PRPF19: variants seen among roughly 807,000 people sequenced by gnomAD.
PRPF19 encodes pre-mRNA-processing factor 19.
In PRPF19, 2 loss-of-function variants were observed where a neutral mutation model predicts 64.2. The observed-to-expected ratio is 0.03, with a 90% CI of 0.01 to 0.10. The LOEUF is 0.10. Among genes scored for constraint, PRPF19 ranks in the 10% least tolerant of loss-of-function variants. The pLI is 1.00. For synonymous variants in PRPF19, 226 were observed against 251.6 expected, an observed-to-expected ratio of 0.90 and a Z score of 0.96; for missense variants, 314 against 650.0, an observed-to-expected ratio of 0.48 and a Z score of 5.62.
chr11:60,898,241 G>A lies in PRPF19; in HGVS notation c.1171C>T (p.His391Tyr), dbSNP rs1417495946. The A allele has an allele frequency of 6.2e-7, 1 of 1,614,004 alleles. No individual in the cohort carries two copies. ...ERTNVANFPG[H>Y]SGPITSIAFS... ...GCGATGCTAGTGATGGGGCCCGAGT[G>A]GCCAGGGAAGTTGGCCACATTAGTA... Residue 391 changes from histidine to tyrosine, a missense_variant, in exon 14 of 16, where the codon CAC becomes TAC. By Grantham distance (83) the His-to-Tyr change is moderately conservative. Coordinates refer to ENST00000227524, the MANE Select transcript of PRPF19 (RefSeq NM_014502.5). This position sits in a 1 kb window ranked among gnomAD's most constrained non-coding sequence, Gnocchi z 4.6.
At chr11:60,904,600 C>CA (rs1171947236) in intron 1 of PRPF19, among the ~76,000 whole-genome samples, 1 of 152,130 alleles carries the variant, frequency 6.6e-6, no homozygotes. Flanking sequence ...GTGACTCAAA[C>CA]AATTGTGGGA....
chr11:60,898,792 G>T lies in PRPF19; in HGVS notation c.1054+70C>A, dbSNP rs945969761. On this transcript the variant is annotated intron_variant, in intron 12 of 15. Transcript: ENST00000227524. This position sits in a 1 kb window ranked among gnomAD's most constrained non-coding sequence, Gnocchi z 4.6. ...ATATCTTTAGAACAAATAAACAAAT[G>T]ACTAAATAAAATGTAAAAATAAATA... is the stretch of plus-strand genomic sequence containing the variant. 14 of 1,498,630 alleles carry T rather than the reference G, an allele frequency of 9.3e-6. No individual in the cohort carries two copies. In the African/African-American group the frequency reaches 1.7e-4, roughly 18 times the overall value. The allele number at this position is 1,498,630 out of a possible 1,614,324, so 92.8% of individuals were successfully genotyped here.
intron 15 of PRPF19, among the ~76,000 whole-genome samples, chr11:60,891,514 G>A (rs1590603047): frequency 6.6e-6 from 1 of 152,138 alleles, no homozygotes; most frequent in East Asian, 1.9e-4. Context: ...TGAGCTTTCT[G>A]GGCAACTGCA....
intron 15 of PRPF19, among the ~76,000 whole-genome samples, chr11:60,894,802 T>G (rs948094990): frequency 6.6e-6 from 1 of 152,224 alleles, no homozygotes; most frequent in Non-Finnish European, 1.5e-5. Flanking sequence ...TCAAAATTAC[T>G]CCTTGATCCA....
rs950122601 is a variant in PRPF19, at chr11:60,902,634, C to T, written c.411G>A (p.Gln137=). The T allele has an allele frequency of 1.9e-6, 3 of 1,614,200 alleles. No individual in the cohort carries two copies. The highest frequency in any genetic ancestry group is 2.2e-5 in the South Asian group (2 of 91,086). ...AREALATLKP[Q]AGLIVPQAVP... ...CAGCCTGGGGCACAATGAGGCCAGCCTGTGGTTTCAGGGTAGCCAGAGCTG... is the reference window on the plus strand; with the variant it reads ...CAGCCTGGGGCACAATGAGGCCAGCTTGTGGTTTCAGGGTAGCCAGAGCTG... Residue 137 remains glutamine, a synonymous_variant, in exon 5 of 16, where the codon CAG becomes CAA. Coordinates refer to ENST00000227524, the MANE Select transcript of PRPF19 (RefSeq NM_014502.5). The surrounding 1 kb of genome is among the most constrained non-coding windows in gnomAD (Gnocchi z 5.0).
chr11:60,905,732 G>A (rs1329463157), intron 1 of PRPF19, among the ~76,000 whole-genome samples: 1 of 152,178 alleles, frequency 6.6e-6, no homozygotes, highest in African/African-American at 2.4e-5. Flanking sequence ...TCTCCTTTAG[G>A]GAATTCTTGT....
rs148723802 is a variant in PRPF19, at chr11:60,903,742, G to C, written c.139C>G (p.Leu47Val). ...NGTDPINNQP[L>V]SEEQLIDIKV... ...ATGTCGATGAGCTGCTCCTCGGAGA[G>C]AGGCTGGTTGTTGATGGGGTCGGTA... Residue 47 changes from leucine to valine, a missense_variant, in exon 2 of 16, where the codon CTC becomes GTC. Coordinates refer to ENST00000227524, the MANE Select transcript of PRPF19 (RefSeq NM_014502.5). 8 of 1,599,446 alleles carry C rather than the reference G, an allele frequency of 5.0e-6. No individual in the cohort carries two copies. The highest frequency in any genetic ancestry group is 6.8e-6 in the Non-Finnish European group (8 of 1,175,506).
At chr11:60,895,194 T>C (rs551525067) in intron 15 of PRPF19, among the ~76,000 whole-genome samples, 18 of 152,360 alleles carry the variant, frequency 1.2e-4, no homozygotes, top group African/African-American at 4.3e-4. Context: ...GATGTCACTT[T>C]CTTCCAATAG....
At chr11:60,896,853 C>T (rs1271692288) in intron 15 of PRPF19, among the ~76,000 whole-genome samples, 2 of 152,010 alleles carry the variant, frequency 1.3e-5, no homozygotes, top group African/African-American at 4.8e-5. Context: ...TAGAAAAAAG[C>T]TTATAGAACA....
At position 60,904,739 on chromosome 11, in the gene PRPF19, C is replaced by T. The variant is rs900498123; in HGVS notation, c.20-878G>A. On this transcript the variant is annotated intron_variant, in intron 1 of 15. Coordinates refer to ENST00000227524, the MANE Select transcript of PRPF19 (RefSeq NM_014502.5). ...CCCTGGGCACCCCACCCTCCAGGAACCCCCACATGTTCTGCTATACAGAAG... is the reference window on the plus strand; with the variant it reads ...CCCTGGGCACCCCACCCTCCAGGAATCCCCACATGTTCTGCTATACAGAAG... 5.9e-5 allele frequency among the ~76,000 whole-genome samples: 9 copies of T among 152,204 alleles called. No individual in the cohort carries two copies. In the South Asian group the frequency reaches 1.7e-3, roughly 28 times the overall value.
chr11:60,901,931 T>C (rs1311984166), intron 6 of PRPF19, among the ~76,000 whole-genome samples: 1 of 152,134 alleles, frequency 6.6e-6, no homozygotes, highest in African/African-American at 2.4e-5. Flanking sequence ...CAAATGAGAA[T>C]CCCACTGGAC....
At chr11:60,904,059 C>T (rs1856015673) in intron 1 of PRPF19, among the ~76,000 whole-genome samples, 198 bp from the exon 2 acceptor site, 1 of 152,142 alleles carries the variant, frequency 6.6e-6, no homozygotes, top group South Asian at 2.1e-4. Flanking sequence ...CTTTAGTCTC[C>T]TGACTGAGGA....
At chr11:60,893,138 C>T (rs759754821) in intron 15 of PRPF19, among the ~76,000 whole-genome samples, 7 of 152,188 alleles carry the variant, frequency 4.6e-5, no homozygotes, top group Non-Finnish European at 8.8e-5. Context: ...CAATGCAATG[C>T]ATTATTCACG....
In PRPF19 at chr11:60,891,277, T is replaced by C. The variant is rs1855856220; in HGVS notation, c.1418-14A>G. Reference sequence around the variant, plus strand: ...GGCCGCTATGCTCTGAGGAGAAAGATAAGAGGCAACTGTGAGAAGGCTTTT... The same window carrying C: ...GGCCGCTATGCTCTGAGGAGAAAGACAAGAGGCAACTGTGAGAAGGCTTTT... On this transcript the variant is annotated splice_polypyrimidine_tract_variant and intron_variant, in intron 15 of 15. Coordinates refer to ENST00000227524, the MANE Select transcript of PRPF19 (RefSeq NM_014502.5). 2 of 1,601,572 alleles carry C rather than the reference T, an allele frequency of 1.2e-6. No individual in the cohort carries two copies. The highest frequency in any genetic ancestry group is 1.3e-5 in the African/African-American group (1 of 74,622).
At chr11:60,899,581 C>T (rs1855959503) in intron 10 of PRPF19, among the ~76,000 whole-genome samples, 2 of 152,168 alleles carry the variant, frequency 1.3e-5, no homozygotes, top group Admixed American at 1.3e-4. Flanking sequence ...TTTCCCATTT[C>T]CAGGACCAAA....
intron 15 of PRPF19, among the ~76,000 whole-genome samples, chr11:60,893,465 T>C (rs905543012): frequency 6.9e-4 from 104 of 151,244 alleles, no homozygotes; most frequent in Non-Finnish European, 1.1e-3. Context: ...GACCATGCCA[T>C]TGCACTCCAG....
In PRPF19 at chr11:60,898,778, A is replaced by G; in HGVS notation, c.1054+84T>C. ...TGCTCATGGTAAATATATCTTTAGA[A>G]CAAATAAACAAATGACTAAATAAAA... On this transcript the variant is annotated intron_variant, in intron 12 of 15. Transcript: ENST00000227524. The surrounding 1 kb of genome is among the most constrained non-coding windows in gnomAD (Gnocchi z 4.6). 6.7e-7 allele frequency: 1 copy of G among 1,500,646 alleles called. No homozygotes were observed. Among genetic ancestry groups the G allele is most frequent in the Non-Finnish European group, 9.0e-7 (1 of 1,115,806 alleles). The allele number at this position is 1,500,646 out of a possible 1,614,324, so 93.0% of individuals were successfully genotyped here. A position where few individuals can be genotyped will look rare whatever the true frequency, so the allele number is the denominator to read the frequency against.
Position 60,894,930 on chromosome 11 carries a change from G to C in PRPF19, c.1417+2916C>G, listed in dbSNP as rs79967067. ...TTTCTGAACAGTACCTCTTAATGGG[G>C]GGCTTAAAAAATATTCAGTAAACCA... is the stretch of plus-strand genomic sequence containing the variant. On this transcript the variant is annotated intron_variant, in intron 15 of 15. Transcript: ENST00000227524. 4.5e-3 allele frequency among the ~76,000 whole-genome samples: 691 copies of C among 152,248 alleles called. 4 individuals carry two copies. The highest frequency in any genetic ancestry group is 0.016 in the African/African-American group (647 of 41,534).
chr11:60,890,876 C>A lies in PRPF19; in HGVS notation c.*290G>T. Reference sequence around the variant, plus strand: ...AAAATGGGTGTGGAACAGCCACCACCACGTCCATTGAACGACAGGAAGGGA... The same window carrying A: ...AAAATGGGTGTGGAACAGCCACCACAACGTCCATTGAACGACAGGAAGGGA... On this transcript the variant is annotated 3_prime_UTR_variant, in exon 16 of 16. Transcript: ENST00000227524. 1 of 550,188 alleles carries A rather than the reference C, an allele frequency of 1.8e-6. No homozygotes were observed. The highest frequency in any genetic ancestry group is 3.5e-6 in the Non-Finnish European group (1 of 288,354). The allele number at this position is 550,188 out of a possible 1,614,324, so 34.1% of individuals were successfully genotyped here. A position where few individuals can be genotyped will look rare whatever the true frequency, so the allele number is the denominator to read the frequency against.
Sources: gnomAD v4.1 joint callset for allele counts (sites outside exome capture counted in the v4.1 genomes callset) on GRCh38, gnomAD v4.1.1 for gene constraint, Gnocchi (gnomAD v3.1) non-coding constraint, MANE v1.5 for transcripts, NCBI Gene and HGNC (gene_info 2026-07-23, HGNC 2026-07-21) for gene names.